LGR5: variants seen among roughly 807,000 people sequenced by gnomAD.
The protein encoded by LGR5 is leucine-rich repeat-containing G protein-coupled receptor 5.
Under a neutral mutation model 76.7 loss-of-function variants are expected in LGR5, and 54 were observed. That is an observed-to-expected ratio of 0.70 (90% CI 0.57 to 0.88). The LOEUF (loss-of-function observed/expected upper bound fraction) is 0.88. Among genes scored for constraint, LGR5 ranks in the 40% least tolerant of loss-of-function variants. The probability of loss-of-function intolerance (pLI) is 0.00; values close to 1 mark genes in which losing one functional copy is unlikely to be tolerated. For synonymous variants in LGR5, 406 were observed against 421.9 expected (o/e 0.96, Z 0.46); for missense variants, 1,078 against 1,073.3 (o/e 1.00, Z -0.06).
At chr12:71,486,321 G>A (rs970508415) in intron 1 of LGR5, among the ~76,000 whole-genome samples, 4 of 152,104 alleles carry the variant, frequency 2.6e-5, no homozygotes, top group East Asian at 1.9e-4. Flanking sequence ...CAGTGTCCTC[G>A]AGTTGTCTGA....
Position 71,583,985 on chromosome 12 carries a change from G to T in LGR5, c.1975G>T (p.Ala659Ser). The change falls in exon 18 of 18, where the codon GCC (alanine) becomes TCC (serine). Residue 659 changes from alanine to serine, a missense_variant. Transcript: ENST00000266674. ...ESSVFLLTLA[A>S]LERGFSVKYS... ...ATCTGTTTTCCTGCTTACTCTGGCAGCCCTGGAGCGTGGGTTCTCTGTGAA... is the reference window on the plus strand; with the variant it reads ...ATCTGTTTTCCTGCTTACTCTGGCATCCCTGGAGCGTGGGTTCTCTGTGAA... 6.2e-7 allele frequency: 1 copy of T among 1,614,160 alleles called. No individual in the cohort carries two copies. The highest frequency in any genetic ancestry group is 8.5e-7 in the Non-Finnish European group (1 of 1,180,036).
At chr12:71,497,630 G>T (rs1204484834) in intron 1 of LGR5, among the ~76,000 whole-genome samples, 3 of 152,200 alleles carry the variant, frequency 2.0e-5, no homozygotes, top group Non-Finnish European at 4.4e-5. Context: ...AGAAGTATAT[G>T]TGAAAAGTGA....
intron 1 of LGR5, among the ~76,000 whole-genome samples, chr12:71,444,295 G>T (rs1871890519): frequency 6.6e-6 from 1 of 151,994 alleles, no homozygotes; most frequent in African/African-American, 2.4e-5. Context: ...AAAATATAAT[G>T]ATGCCAGTAA....
chr12:71,560,282 ATT>A (rs2137427959), intron 7 of LGR5, among the ~76,000 whole-genome samples: 1 of 152,378 alleles, frequency 6.6e-6, no homozygotes, highest in East Asian at 1.9e-4. Context: ...TTTGAACTAT[ATT>A]CTTATAATAA....
At chr12:71,575,722 A>ATATATG (rs1555176199) in intron 13 of LGR5, among the ~76,000 whole-genome samples, 2 of 144,760 alleles carry the variant, frequency 1.4e-5, no homozygotes, top group African/African-American at 5.2e-5. Flanking sequence ...AAAAATATAT[A>ATATATG]TGTGTGTGTG....
At position 71,440,387 on chromosome 12, in the gene LGR5, T is replaced by A. The variant is rs1014558982; in HGVS notation, c.212+95T>A. On this transcript the variant is annotated intron_variant, in intron 1 of 17. Coordinates refer to ENST00000266674, the MANE Select transcript of LGR5 (RefSeq NM_003667.4). This position sits in a 1 kb window ranked among gnomAD's most constrained non-coding sequence, Gnocchi z 5.3. The stretch of plus-strand genomic sequence containing the variant: ...TGGAGGCTCCTCGGCGCCCGCCTGC[T>A]CGTGGGGGAGGGGGGCGAGTTTGTC... 3 of 1,232,074 alleles carry A rather than the reference T, an allele frequency of 2.4e-6. No individual in the cohort carries two copies. The African/African-American group carries it at 4.4e-5, about 18-fold the overall frequency. 76.3% of individuals were successfully genotyped at this position (1,232,074 alleles called of 1,614,324 possible).
intron 1 of LGR5, chr12:71,448,351 A>G (rs974278270): frequency 7.2e-5 from 11 of 152,374 alleles, no homozygotes; most frequent in East Asian, 1.9e-4. Context: ...AAAACCACAC[A>G]TGATCTCAAG....
chr12:71,454,844 A>G (rs1196866229), intron 1 of LGR5, among the ~76,000 whole-genome samples: 1 of 151,306 alleles, frequency 6.6e-6, no homozygotes, highest in Non-Finnish European at 1.5e-5. Flanking sequence ...AAGAACAAGA[A>G]AAAAAAAACA....
chr12:71,472,796 G>A (rs1399120481), intron 1 of LGR5, among the ~76,000 whole-genome samples: 1 of 152,158 alleles, frequency 6.6e-6, no homozygotes, highest in African/African-American at 2.4e-5. Flanking sequence ...GGCTAAACAA[G>A]AGCTTCTAAC....
chr12:71,483,496 T>C (rs1296638683), intron 1 of LGR5, among the ~76,000 whole-genome samples: 1 of 152,064 alleles, frequency 6.6e-6, no homozygotes, highest in African/African-American at 2.4e-5. Flanking sequence ...TGGTACTTCT[T>C]AAGAGTGAAA....
At chr12:71,503,698 A>G (rs1298439433) in intron 1 of LGR5, among the ~76,000 whole-genome samples, 1 of 152,190 alleles carries the variant, frequency 6.6e-6, no homozygotes, top group East Asian at 1.9e-4. Context: ...CTGAGAATAC[A>G]ATGCCATAAG....
rs1193510346 is a variant in LGR5 at position 71,563,072 on chromosome 12, GT to G, written c.857+1225del. On this transcript the variant is annotated intron_variant, in intron 8 of 17. Transcript: ENST00000266674. ...TCCTCCTTCTGCAGCCACAGTACTGGTTTTTCATCACTCTTTTGATATGCTA... is the reference window on the plus strand; with the variant it reads ...TCCTCCTTCTGCAGCCACAGTACTGGTTTTCATCACTCTTTTGATATGCTA... Among the ~76,000 whole-genome samples, 7 of 152,090 alleles carry G rather than the reference GT, an allele frequency of 4.6e-5. No individual in the cohort carries two copies. The South Asian group carries it at 1.5e-3, about 32-fold the overall frequency.
At chr12:71,559,798 T>C (rs1342965285) in intron 7 of LGR5, 144 bp downstream of exon 7, 1 of 525,810 alleles carries the variant, frequency 1.9e-6, no homozygotes, top group African/African-American at 1.9e-5. Context: ...TGAAATATAT[T>C]TTAATTGATT....
At chr12:71,565,472 CATATAT>C (rs3070195) in intron 8 of LGR5, among the ~76,000 whole-genome samples, 1 of 143,982 alleles carries the variant, frequency 6.9e-6, no homozygotes. Flanking sequence ...TATACATATA[CATATAT>C]ATATATATAT....
intron 1 of LGR5, among the ~76,000 whole-genome samples, chr12:71,495,283 CTTACAG>C (rs1874263219): frequency 6.6e-6 from 1 of 151,306 alleles, no homozygotes; most frequent in African/African-American, 2.5e-5. Flanking sequence ...ATCAGATTGA[CTTACAG>C]TTACATAATT....
intron 5 of LGR5, 101 bp from the exon 6 acceptor site, chr12:71,556,518 G>A: frequency 2.5e-6 from 2 of 798,056 alleles, no homozygotes; most frequent in South Asian, 1.5e-5. Flanking sequence ...CTTATAAGTA[G>A]TGCATTCTTC....
intron 4 of LGR5, 44 bp from the exon 5 acceptor site, chr12:71,553,029 T>C (rs1340389959): frequency 6.3e-7 from 1 of 1,578,088 alleles, no homozygotes; most frequent in Admixed American, 1.7e-5. Context: ...ACCTTCTGCT[T>C]GGGCTTTGCT....
chr12:71,552,064 T>G (rs907050417), intron 4 of LGR5, among the ~76,000 whole-genome samples: 9 of 151,126 alleles, frequency 6.0e-5, no homozygotes, highest in Middle Eastern at 3.4e-3. Flanking sequence ...GAGGGGAACA[T>G]CATACATGGG....
chr12:71,440,316 C>G lies in LGR5; in HGVS notation c.212+24C>G. ...CTGTAAGTACTTCCCCACGTCACTC[C>G]GGGAGAGAGACTAAGAGGGGAAGGA... On this transcript the variant is annotated intron_variant, in intron 1 of 17. Transcript: ENST00000266674. This position sits in a 1 kb window ranked among gnomAD's most constrained non-coding sequence, Gnocchi z 5.3. 3.8e-6 allele frequency: 6 copies of G among 1,596,440 alleles called. No individual in the cohort carries two copies. The highest frequency in any genetic ancestry group is 4.3e-6 in the Non-Finnish European group (5 of 1,172,122).
Sources: gnomAD v4.1 joint callset for allele counts (sites outside exome capture counted in the v4.1 genomes callset) on GRCh38, gnomAD v4.1.1 for gene constraint, Gnocchi (gnomAD v3.1) non-coding constraint, MANE v1.5 for transcripts, NCBI Gene and HGNC (gene_info 2026-07-23, HGNC 2026-07-21) for gene names.